The following KIAA1549 variants were observed in gnomAD, a reference collection of about 807,000 sequenced individuals.
KIAA1549 encodes the protein UPF0606 protein KIAA1549.
Under a neutral mutation model 156.4 loss-of-function variants are expected in KIAA1549, and 70 were observed. The observed-to-expected ratio is 0.45, with a 90% CI of 0.37 to 0.55. The LOEUF (loss-of-function observed/expected upper bound fraction) is 0.55, where lower values mean the gene tolerates loss of function less well. KIAA1549 is among the 20% of genes least tolerant of loss of function. The pLI is 0.00. For synonymous variants in KIAA1549, 1,103 were observed against 1,066.4 expected (o/e 1.03, Z -0.67); for missense variants, 2,428 against 2,540.9 (o/e 0.96, Z 0.96).
chr7:138,978,914 G>A (rs921219552), intron 1 of KIAA1549, among the ~76,000 whole-genome samples: 14 of 152,314 alleles, frequency 9.2e-5, no homozygotes, highest in Non-Finnish European at 1.8e-4. Context: ...AGCTACATCA[G>A]GAAGCCACCC....
In KIAA1549 at chr7:138,911,461, T is replaced by C; in HGVS notation, c.2968-138A>G. 4 of 662,664 alleles carry C rather than the reference T, an allele frequency of 6.0e-6. No homozygotes were observed. In the Admixed American group the frequency reaches 1.3e-4, roughly 21 times the overall value. 41.0% of individuals were successfully genotyped at this position (662,664 alleles called of 1,614,324 possible). A position where few individuals can be genotyped will look rare whatever the true frequency, so the allele number is the denominator to read the frequency against. ...CATCACGGATAATCAAAATTTTATTTTAGTTACTGCTTTTACTCTCTGCCA... is the reference window on the plus strand; with the variant it reads ...CATCACGGATAATCAAAATTTTATTCTAGTTACTGCTTTTACTCTCTGCCA... On this transcript the variant is annotated intron_variant, in intron 3 of 19. Transcript: ENST00000422774.
intron 6 of KIAA1549, among the ~76,000 whole-genome samples, chr7:138,905,695 C>T (rs1223164886): frequency 6.6e-6 from 1 of 151,952 alleles, no homozygotes; most frequent in Non-Finnish European, 1.5e-5. Context: ...GATTTCAACT[C>T]TGGAATCTAC....
chr7:138,927,960 G>A (rs1355136360), intron 1 of KIAA1549, among the ~76,000 whole-genome samples: 2 of 144,984 alleles, frequency 1.4e-5, no homozygotes, highest in Non-Finnish European at 3.0e-5. Context: ...TTGCTCTGTC[G>A]CCCAGGCTGG....
rs756922238 is a variant in KIAA1549 at position 138,916,866 on chromosome 7, G to A, written c.2760C>T (p.Ser920=). ...GAGTGAAGGCAGTCACGGGACGCAG[G>A]GATGGCAGGGGAGGAGCAGCACTAC... is the stretch of plus-strand genomic sequence containing the variant. The part of the protein sequence containing the change: ...PESSAAPPLP[S]LRPVTAFTLE... The change falls in exon 2 of 20, where the codon TCC becomes TCT. Residue 920 remains serine (S), a synonymous_variant. Transcript: ENST00000422774. 6.2e-7 allele frequency: 1 copy of A among 1,613,958 alleles called. No individual in the cohort carries two copies. The highest frequency in any genetic ancestry group is 1.1e-5 in the South Asian group (1 of 91,046).
Position 138,981,373 on chromosome 7 carries a change from G to A in KIAA1549, c.-104C>T, listed in dbSNP as rs952883655. 8 of 373,396 alleles carry A rather than the reference G, an allele frequency of 2.1e-5. No homozygotes were observed. Among genetic ancestry groups the A allele is most frequent in the East Asian group, 1.7e-4 (1 of 5,966 alleles). The allele number at this position is 373,396 out of a possible 1,614,324, so 23.1% of individuals were successfully genotyped here. ...GGGACGGGGCGCCGCGCACCGGCGC[G>A]GAGGGAGGCCGGAGAGGCGGGGGCG... On this transcript the variant is annotated 5_prime_UTR_variant, in exon 1 of 20. Transcript: ENST00000422774. This position sits in a 1 kb window ranked among gnomAD's most constrained non-coding sequence, Gnocchi z 4.5.
chr7:138,886,557 G>A (rs778920591), intron 10 of KIAA1549, among the ~76,000 whole-genome samples: 13 of 152,122 alleles, frequency 8.5e-5, no homozygotes, highest in Admixed American at 3.3e-4. Flanking sequence ...GACTACAGAC[G>A]TGAGCCACTG....
chr7:138,954,234 A>G (rs939438416), intron 1 of KIAA1549, among the ~76,000 whole-genome samples: 5 of 152,198 alleles, frequency 3.3e-5, no homozygotes, highest in Admixed American at 1.3e-4. Flanking sequence ...TAAGAGCTAA[A>G]CTTTGCTCTG....
chr7:138,932,443 G>T (rs749560329), intron 1 of KIAA1549, among the ~76,000 whole-genome samples: 7 of 152,216 alleles, frequency 4.6e-5, no homozygotes, highest in Non-Finnish European at 1.0e-4. Context: ...TCAGAGAAAT[G>T]TAGGAGACCA....
intron 19 of KIAA1549, among the ~76,000 whole-genome samples, chr7:138,838,434 C>G (rs968347769): frequency 6.6e-6 from 1 of 152,046 alleles, no homozygotes; most frequent in Non-Finnish European, 1.5e-5. Flanking sequence ...GCCAGGCTGA[C>G]AAGGGGAACA....
intron 3 of KIAA1549, 73 bp from the exon 4 acceptor site, chr7:138,911,396 T>A: frequency 8.4e-7 from 1 of 1,193,452 alleles, no homozygotes; most frequent in Non-Finnish European, 1.2e-6. Flanking sequence ...TAAAAAATTA[T>A]AAACTAAAAA....
intron 1 of KIAA1549, among the ~76,000 whole-genome samples, chr7:138,973,933 C>T (rs533918843): frequency 2.0e-5 from 3 of 152,324 alleles, no homozygotes; most frequent in South Asian, 2.1e-4. Context: ...CGTGAGCCAC[C>T]GCACCCAGCC....
chr7:138,866,546 C>A lies in KIAA1549; in HGVS notation c.4929+1429G>T, dbSNP rs114681230. 3.4e-3 allele frequency among the ~76,000 whole-genome samples: 511 copies of A among 152,280 alleles called. 4 individuals are homozygous for A. The highest frequency in any genetic ancestry group is 0.011 in the African/African-American group (470 of 41,572). Reference sequence around the variant, plus strand: ...GCCTCCAGGAGGTGAAAGGGGCCTGCTGCAGCAAGGCAGGGCTCTCCTGGT... The same window carrying A: ...GCCTCCAGGAGGTGAAAGGGGCCTGATGCAGCAAGGCAGGGCTCTCCTGGT... On this transcript the variant is annotated intron_variant, in intron 15 of 19. Coordinates refer to ENST00000422774, the MANE Select transcript of KIAA1549 (RefSeq NM_001164665.2).
chr7:138,954,528 G>C (rs1240554867), intron 1 of KIAA1549, among the ~76,000 whole-genome samples: 2 of 152,174 alleles, frequency 1.3e-5, no homozygotes, highest in Non-Finnish European at 2.9e-5. Context: ...TAGCCTGGGA[G>C]AACTCCTCAG....
At chr7:138,897,511 T>C (rs1463308549) in intron 9 of KIAA1549, among the ~76,000 whole-genome samples, 4 of 152,188 alleles carry the variant, frequency 2.6e-5, no homozygotes, top group Non-Finnish European at 5.9e-5. Context: ...GATGCTGAAT[T>C]CCCTCTAAAC....
intron 10 of KIAA1549, among the ~76,000 whole-genome samples, chr7:138,888,460 G>A (rs1183856925): frequency 6.6e-6 from 1 of 152,200 alleles, no homozygotes; most frequent in East Asian, 1.9e-4. Context: ...CCCTTTCTCT[G>A]CTGGTTTATT....
At chr7:138,970,097 T>C (rs572782839) in intron 1 of KIAA1549, among the ~76,000 whole-genome samples, 1 of 152,354 alleles carries the variant, frequency 6.6e-6, no homozygotes, top group South Asian at 2.1e-4. Context: ...TTAAAAATTT[T>C]CCTTTCCTAT....
In KIAA1549 at chr7:138,862,044, A is replaced by G. The variant is rs138944784; in HGVS notation, c.4930-588T>C. 6.1e-3 allele frequency among the ~76,000 whole-genome samples: 928 copies of G among 152,316 alleles called. 13 individuals are homozygous for G. The highest frequency in any genetic ancestry group is 0.022 in the African/African-American group (894 of 41,566). On this transcript the variant is annotated intron_variant, in intron 15 of 19. Coordinates refer to ENST00000422774, the MANE Select transcript of KIAA1549 (RefSeq NM_001164665.2). ...GTGAACATTTCTACTGAAAGCCCCTAAACAGCCAAAAATCATATTTCAAAG... is the reference window on the plus strand; with the variant it reads ...GTGAACATTTCTACTGAAAGCCCCTGAACAGCCAAAAATCATATTTCAAAG...
Position 138,898,977 on chromosome 7 carries a change from T to G in KIAA1549, c.3825A>C (p.Arg1275=), listed in dbSNP as rs1811766394. The change falls in exon 9 of 20, where the codon CGA becomes CGC. Residue 1275 remains arginine, a synonymous_variant. Coordinates refer to ENST00000422774, the MANE Select transcript of KIAA1549 (RefSeq NM_001164665.2). ...LQRAAIILGY[R]IQGVIAQPVD... The stretch of plus-strand genomic sequence containing the variant: ...TACGCTGGGCAATGACACCTTGAAT[T>G]CGGTAACCCAAGATGATGGCTGCTC... 1.2e-6 allele frequency: 2 copies of G among 1,613,824 alleles called. No individual in the cohort carries two copies. Among genetic ancestry groups the G allele is most frequent in the African/African-American group, 2.7e-5 (2 of 75,052 alleles).
chr7:138,923,242 A>G (rs1812612006), intron 1 of KIAA1549, among the ~76,000 whole-genome samples: 1 of 152,236 alleles, frequency 6.6e-6, no homozygotes, highest in Non-Finnish European at 1.5e-5. Context: ...GAGCTTCTAA[A>G]TAAGGATAAC....
Sources: gnomAD v4.1 joint callset for allele counts (sites outside exome capture counted in the v4.1 genomes callset) on GRCh38, gnomAD v4.1.1 for gene constraint, Gnocchi (gnomAD v3.1) non-coding constraint, MANE v1.5 for transcripts, NCBI Gene and HGNC (gene_info 2026-07-23, HGNC 2026-07-21) for gene names.